The following PLEKHM2 variants were observed in gnomAD, a reference collection of about 807,000 sequenced individuals.
PLEKHM2 encodes pleckstrin homology and RUN domain containing M2.
In PLEKHM2, 77 loss-of-function variants were observed where a neutral mutation model predicts 116.3. The observed-to-expected ratio is 0.66, with a 90% CI of 0.55 to 0.80. The LOEUF is 0.80. Ranked by LOEUF, PLEKHM2 falls within the 30% of genes least tolerant of loss-of-function variation. PLEKHM2 has a pLI of 0.00. For synonymous variants in PLEKHM2, 562 were observed against 571.0 expected (o/e 0.98, Z 0.22); for missense variants, 1,183 against 1,354.9 (o/e 0.87, Z 1.99).
chr1:15,682,326 C>T (rs1305866271), upstream of PLEKHM2, among the ~76,000 whole-genome samples: 1 of 151,960 alleles, frequency 6.6e-6, no homozygotes, highest in Non-Finnish European at 1.5e-5. Flanking sequence ...TGGCAGGCGC[C>T]CGTAATCCCA....
chr1:15,698,284 A>C (rs1351879961), intron 1 of PLEKHM2, among the ~76,000 whole-genome samples: 1 of 152,080 alleles, frequency 6.6e-6, no homozygotes, highest in Non-Finnish European at 1.5e-5. Context: ...ACTCCCTGCA[A>C]CCTCAAGCTC....
chr1:15,682,876 G>A (rs1033279378), upstream of PLEKHM2: 4 of 152,246 alleles, frequency 2.6e-5, no homozygotes, highest in African/African-American at 7.2e-5. Context: ...ACTAATCTAT[G>A]TGTCAGGATA....
chr1:15,686,479 T>C (rs893145157), intron 1 of PLEKHM2, among the ~76,000 whole-genome samples: 2 of 152,000 alleles, frequency 1.3e-5, no homozygotes, highest in African/African-American at 4.8e-5. Flanking sequence ...TTGTTGTTGT[T>C]GTTGTTGTTG....
rs376748082 is a variant in PLEKHM2, at chr1:15,731,966, G to A, written c.2543G>A (p.Arg848Gln). Reference sequence around the variant, plus strand: ...GCCTTCCAGGTCATTCTCTCCGACCGGCCCTGCCTGGAGCTAAGTGCCGAG... The same window carrying A: ...GCCTTCCAGGTCATTCTCTCCGACCAGCCCTGCCTGGAGCTAAGTGCCGAG... ...PHAFQVILSD[R>Q]PCLELSAESE... The change falls in exon 17 of 20, where the codon CGG (arginine) becomes CAG (glutamine). Residue 848 changes from arginine to glutamine, a missense_variant. This residue lies in a region of PLEKHM2 where 594 missense variants were observed against 720.1 expected (regional missense o/e 0.82). Transcript: ENST00000375799. 1.8e-4 allele frequency: 291 copies of A among 1,612,240 alleles called. 5 individuals carry two copies. Among genetic ancestry groups the A allele is most frequent in the South Asian group, 1.2e-3 (109 of 91,022 alleles).
chr1:15,692,692 C>G lies in PLEKHM2; in HGVS notation c.60+8074C>G, dbSNP rs118134563. On this transcript the variant is annotated intron_variant, in intron 1 of 19. Transcript: ENST00000375799. ...GCCTCAAGCCTTCCTCTCACTCCAG[C>G]CTCCCAAAGTGTGGGGTTACAGGTG... Among the ~76,000 whole-genome samples, 20 of 152,188 alleles carry G rather than the reference C, an allele frequency of 1.3e-4. No homozygotes were observed. In the East Asian group the frequency reaches 3.5e-3, roughly 26 times the overall value.
intron 16 of PLEKHM2, 115 bp from the exon 17 acceptor site, chr1:15,731,774 C>T (rs1220749155): frequency 1.2e-6 from 1 of 851,930 alleles, no homozygotes; most frequent in Admixed American, 2.7e-5. Context: ...TATCCTCCAG[C>T]CCCCAAGACG....
In PLEKHM2 at chr1:15,716,221, T is replaced by C; in HGVS notation, c.61-16T>C. 1.3e-5 allele frequency: 18 copies of C among 1,384,770 alleles called. No homozygotes were observed. Among genetic ancestry groups the C allele is most frequent in the Non-Finnish European group, 1.8e-5 (18 of 1,007,112 alleles). The allele number at this position is 1,384,770 out of a possible 1,614,324, so 85.8% of individuals were successfully genotyped here. On this transcript the variant is annotated splice_polypyrimidine_tract_variant and intron_variant, in intron 1 of 19. Transcript: ENST00000375799. ...TTAATCCATTTCTGATTTGGAGGTG[T>C]TTTTTTTTCTTTCAGTTGCAGAGCT...
intron 1 of PLEKHM2, among the ~76,000 whole-genome samples, chr1:15,698,810 G>C (rs1258223374): frequency 6.6e-6 from 1 of 151,728 alleles, no homozygotes; most frequent in African/African-American, 2.4e-5. Flanking sequence ...CAGCCTCTCA[G>C]AGTGCTGGGA....
rs770328618 is a variant in PLEKHM2 at position 15,731,182 on chromosome 1, GC to G, written c.2400-6del. 1.9e-6 allele frequency: 3 copies of G among 1,587,694 alleles called. No individual in the cohort carries two copies. The East Asian group carries it at 6.9e-5, about 36-fold the overall frequency. On this transcript the variant is annotated splice_polypyrimidine_tract_variant and intron_variant, in intron 15 of 19. Coordinates refer to ENST00000375799, the MANE Select transcript of PLEKHM2 (RefSeq NM_015164.4). ...ACAGGCCTCACTCGCCCTGTGTTGT[GC>G]CCCTGCAGCAACGGGATCCTCTACC...
In PLEKHM2 at chr1:15,725,473, CCA is replaced by C; in HGVS notation, c.871_872del (p.Thr291LeufsTer40). ...TCCTCTGACACCACCCCCGTGCACA[CCA>C]CCTCTCAGGAGAAGGAGGAGGCCCA... is the stretch of plus-strand genomic sequence containing the variant. On this transcript the variant is annotated frameshift_variant, in exon 8 of 20. Transcript: ENST00000375799. LOFTEE classifies it high-confidence loss of function. 6.3e-7 allele frequency: 1 copy of C among 1,580,182 alleles called. No individual in the cohort carries two copies. The highest frequency in any genetic ancestry group is 8.6e-7 in the Non-Finnish European group (1 of 1,164,058).
Position 15,728,371 on chromosome 1 carries a change from C to G in PLEKHM2, c.1921+14C>G, listed in dbSNP as rs749343591. 6.2e-7 allele frequency: 1 copy of G among 1,606,240 alleles called. No individual in the cohort carries two copies. The highest frequency in any genetic ancestry group is 8.5e-7 in the Non-Finnish European group (1 of 1,174,726). ...TGCTCCGGAAAGGTGCCCGCCGCCC[C>G]CGGGCAGACAGCGGGTTGTAGACGA... On this transcript the variant is annotated intron_variant, in intron 11 of 19. Coordinates refer to ENST00000375799, the MANE Select transcript of PLEKHM2 (RefSeq NM_015164.4). The surrounding 1 kb of genome is among the most constrained non-coding windows in gnomAD (Gnocchi z 5.9).
In PLEKHM2 at chr1:15,717,558, G is replaced by A. The variant is rs142075120; in HGVS notation, c.278-335G>A. Among the ~76,000 whole-genome samples, 343 of 152,340 alleles carry A rather than the reference G, an allele frequency of 2.3e-3. 1 individual carries two copies. The highest frequency in any genetic ancestry group is 7.1e-3 in the African/African-American group (294 of 41,572). On this transcript the variant is annotated intron_variant, in intron 3 of 19. Transcript: ENST00000375799. ...CTGCCAGCGAGAGCTGGACTCTTATGGAATCCCAGCCTGAGCACGTGCTAT... is the reference window on the plus strand; with the variant it reads ...CTGCCAGCGAGAGCTGGACTCTTATAGAATCCCAGCCTGAGCACGTGCTAT...
chr1:15,713,367 G>A (rs893857158), intron 1 of PLEKHM2, among the ~76,000 whole-genome samples: 2 of 152,062 alleles, frequency 1.3e-5, no homozygotes, highest in African/African-American at 2.4e-5. Flanking sequence ...ATAGTAAATG[G>A]GAGCAAGGGG....
intron 1 of PLEKHM2, among the ~76,000 whole-genome samples, 172 bp from the exon 2 acceptor site, chr1:15,716,065 C>T (rs1641437011): frequency 6.6e-6 from 1 of 152,240 alleles, no homozygotes; most frequent in African/African-American, 2.4e-5. Flanking sequence ...CTGCTGGAAC[C>T]TCCAGTGCCA....
At chr1:15,685,580 GAGAA>G (rs945331923) in intron 1 of PLEKHM2, among the ~76,000 whole-genome samples, 3 of 126,302 alleles carry the variant, frequency 2.4e-5, no homozygotes, top group East Asian at 4.3e-4. Flanking sequence ...AAAGAAAAAA[GAGAA>G]AGAAAATGGC....
chr1:15,733,711 G>A (rs1051701068), intron 19 of PLEKHM2, 86 bp from the exon 20 acceptor site: 45 of 1,458,652 alleles, frequency 3.1e-5, no homozygotes, highest in Non-Finnish European at 4.1e-5. Context: ...CGTGGCCAAG[G>A]CAGAGGCAGG....
chr1:15,725,697 T>A (rs1394157797), intron 8 of PLEKHM2, 152 bp downstream of exon 8: 1 of 616,532 alleles, frequency 1.6e-6, no homozygotes, highest in African/African-American at 1.8e-5. Context: ...GGAGGTTCTT[T>A]GAGCAAGAGG....
intron 1 of PLEKHM2, among the ~76,000 whole-genome samples, chr1:15,705,785 A>G (rs1258623494): frequency 6.6e-6 from 1 of 151,736 alleles, no homozygotes; most frequent in Non-Finnish European, 1.5e-5. Context: ...CAGTCTGTCT[A>G]CTCACCATAC....
rs781508018 is a variant in PLEKHM2 at position 15,731,194 on chromosome 1, A to G, written c.2402A>G (p.Asn801Ser). ...HWKTCFVVLS[N>S]GILYQYPDRT... ...CGCCCTGTGTTGTGCCCCTGCAGCA[A>G]CGGGATCCTCTACCAGTACCCGGAC... Residue 801 changes from asparagine to serine, a missense_variant and splice_region_variant, in exon 16 of 20, where the codon AAC becomes AGC. Around this residue, in one of 3 missense-constraint regions of PLEKHM2, gnomAD observed 594 missense variants for 720.1 expected, o/e 0.82. Transcript: ENST00000375799. The G allele has an allele frequency of 1.2e-4, 192 of 1,594,532 alleles. No individual in the cohort carries two copies. The highest frequency in any genetic ancestry group is 3.4e-6 in the Non-Finnish European group (4 of 1,170,600).
Sources: gnomAD v4.1 joint callset for allele counts (sites outside exome capture counted in the v4.1 genomes callset) on GRCh38, gnomAD v4.1.1 for gene constraint, gnomAD v4.1.1 regional missense constraint, Gnocchi (gnomAD v3.1) non-coding constraint, MANE v1.5 for transcripts, NCBI Gene and HGNC (gene_info 2026-07-23, HGNC 2026-07-21) for gene names.